ARHGAP10: variants seen among roughly 807,000 people sequenced by gnomAD.
The protein encoded by ARHGAP10 is rho GTPase-activating protein 10.
ARHGAP10 carries 87 observed loss-of-function variants against 108.6 expected under a neutral mutation model. The ratio of observed to expected loss-of-function variants is 0.80; its 90% confidence interval spans 0.67 to 0.96. ARHGAP10 has a LOEUF of 0.96. Ranked by LOEUF, ARHGAP10 falls within the 40% of genes least tolerant of loss-of-function variation. The pLI is 0.00. For synonymous variants in ARHGAP10, 347 were observed against 341.1 expected (o/e 1.02, Z -0.19); for missense variants, 939 against 954.5 (o/e 0.98, Z 0.21).
intron 20 of ARHGAP10, among the ~76,000 whole-genome samples, chr4:148,056,339 T>C (rs1729363571): frequency 6.6e-6 from 1 of 152,200 alleles, no homozygotes; most frequent in African/African-American, 2.4e-5. Flanking sequence ...AACCAGACAT[T>C]TTCCCTATGG....
chr4:148,004,585 G>T (rs1384576657), intron 18 of ARHGAP10, among the ~76,000 whole-genome samples: 2 of 152,202 alleles, frequency 1.3e-5, no homozygotes, highest in African/African-American at 4.8e-5. Context: ...ACTGTCTGTG[G>T]AGAGGGCCAC....
intron 7 of ARHGAP10, among the ~76,000 whole-genome samples, chr4:147,871,920 G>A (rs1258903564): frequency 6.6e-6 from 1 of 152,020 alleles, no homozygotes; most frequent in African/African-American, 2.4e-5. Flanking sequence ...GGGCAATGTA[G>A]TGAGACCCTG....
chr4:148,061,984 A>C (rs1034357285), intron 20 of ARHGAP10, among the ~76,000 whole-genome samples: 1 of 152,156 alleles, frequency 6.6e-6, no homozygotes, highest in African/African-American at 2.4e-5. Context: ...AGCTGAGCCA[A>C]GGAAGGGCAA....
chr4:147,774,207 C>T (rs1730192946), intron 1 of ARHGAP10, among the ~76,000 whole-genome samples: 1 of 152,160 alleles, frequency 6.6e-6, no homozygotes, highest in Non-Finnish European at 1.5e-5. Context: ...ATGTTAAATT[C>T]CTATATTTGA....
At chr4:147,980,375 C>G (rs1278052817) in intron 18 of ARHGAP10, among the ~76,000 whole-genome samples, 1 of 152,086 alleles carries the variant, frequency 6.6e-6, no homozygotes, top group Non-Finnish European at 1.5e-5. Context: ...TGCTACATCC[C>G]AGGAATAAAG....
chr4:147,866,303 C>A (rs1042310637), intron 6 of ARHGAP10: 1 of 155,000 alleles, frequency 6.5e-6, no homozygotes, highest in African/African-American at 2.4e-5. Context: ...ACAGGGGTTG[C>A]AGTCTGCTGG....
intron 11 of ARHGAP10, among the ~76,000 whole-genome samples, chr4:147,908,759 T>C (rs904352238): frequency 1.3e-5 from 2 of 152,220 alleles, no homozygotes; most frequent in Non-Finnish European, 2.9e-5. Flanking sequence ...AGCAGTTTCC[T>C]TATCACTCCA....
chr4:147,810,920 G>A (rs1362553312), intron 1 of ARHGAP10, among the ~76,000 whole-genome samples: 2 of 152,178 alleles, frequency 1.3e-5, no homozygotes, highest in African/African-American at 4.8e-5. Context: ...TGTGGTTATG[G>A]CAGTGAACAA....
chr4:147,763,021 AAGC>A, intron 1 of ARHGAP10, among the ~76,000 whole-genome samples: 1 of 152,290 alleles, frequency 6.6e-6, no homozygotes, highest in Admixed American at 6.5e-5. Context: ...AGGAAAGTAA[AAGC>A]AGAATGAGCT....
At chr4:147,948,977 A>C (rs1039195197) in intron 15 of ARHGAP10, among the ~76,000 whole-genome samples, 9 of 151,088 alleles carry the variant, frequency 6.0e-5, no homozygotes, top group African/African-American at 2.2e-4. Flanking sequence ...AAAAAAAAAA[A>C]ACAAAAAAAC....
At chr4:147,994,305 A>G (rs1286172207) in intron 18 of ARHGAP10, among the ~76,000 whole-genome samples, 1 of 152,228 alleles carries the variant, frequency 6.6e-6, no homozygotes, top group Non-Finnish European at 1.5e-5. Flanking sequence ...GATTTCATAA[A>G]GTCATGAGCT....
intron 4 of ARHGAP10, among the ~76,000 whole-genome samples, chr4:147,856,880 T>C (rs1044146579): frequency 6.6e-6 from 1 of 152,110 alleles, no homozygotes; most frequent in African/African-American, 2.4e-5. Flanking sequence ...TGAGACAGAG[T>C]CTCACCCTGT....
At chr4:147,752,031 G>T (rs144593811) in intron 1 of ARHGAP10, among the ~76,000 whole-genome samples, 1 of 151,770 alleles carries the variant, frequency 6.6e-6, no homozygotes, top group Non-Finnish European at 1.5e-5. Context: ...GACTATAGGC[G>T]TGCGCCACCA....
intron 1 of ARHGAP10, among the ~76,000 whole-genome samples, chr4:147,817,917 T>C (rs181556561): frequency 7.2e-5 from 11 of 152,340 alleles, no homozygotes; most frequent in African/African-American, 2.4e-4. Context: ...ATTGCAATTC[T>C]GCACTAGAGT....
At chr4:147,873,663 C>CA (rs1308524121) in intron 7 of ARHGAP10, among the ~76,000 whole-genome samples, 1 of 110,038 alleles carries the variant, frequency 9.1e-6, no homozygotes, top group Non-Finnish European at 1.9e-5. Flanking sequence ...CCTGTCTCTA[C>CA]AAAAAAACAA....
chr4:148,006,448 C>G (rs74597103), intron 18 of ARHGAP10, among the ~76,000 whole-genome samples: 2 of 152,128 alleles, frequency 1.3e-5, no homozygotes, highest in South Asian at 4.1e-4. Context: ...ACCCCAGCAG[C>G]GTCTGATCAT....
intron 1 of ARHGAP10, among the ~76,000 whole-genome samples, chr4:147,780,506 G>A (rs1730486766): frequency 6.6e-6 from 1 of 152,012 alleles, no homozygotes; most frequent in African/African-American, 2.4e-5. Flanking sequence ...GCTCAGCTTG[G>A]TCTCATTTGC....
chr4:148,019,621 G>A (rs552397217), intron 18 of ARHGAP10, among the ~76,000 whole-genome samples: 6 of 152,014 alleles, frequency 3.9e-5, no homozygotes, highest in South Asian at 4.2e-4. Context: ...ATGGTGGTGC[G>A]TGCCTGTAAT....
intron 18 of ARHGAP10, among the ~76,000 whole-genome samples, chr4:148,007,049 G>C (rs900460602): frequency 6.6e-6 from 1 of 152,112 alleles, no homozygotes; most frequent in Non-Finnish European, 1.5e-5. Context: ...CTGTAGGTGC[G>C]GTGGGAGTTA....
Sources: allele counts gnomAD v4.1 joint callset (sites outside exome capture counted in the v4.1 genomes callset), GRCh38; gene constraint gnomAD v4.1.1; transcripts MANE v1.5; gene names NCBI Gene and HGNC (gene_info 2026-07-23, HGNC 2026-07-21).